The following SLC8A1 variants were observed in gnomAD, a reference collection of about 807,000 sequenced individuals.
SLC8A1 encodes sodium/calcium exchanger 1.
SLC8A1 carries 18 observed loss-of-function variants against 68.3 expected under a neutral mutation model. That is an observed-to-expected ratio of 0.26 (90% CI 0.18 to 0.39). SLC8A1 has a LOEUF of 0.39. Ranked by LOEUF, SLC8A1 falls within the 10% of genes least tolerant of loss-of-function variation. The pLI is 1.00. For synonymous variants in SLC8A1, 475 were observed against 415.5 expected (o/e 1.14, Z -1.74); for missense variants, 985 against 1,156.7 (o/e 0.85, Z 2.15).
chr2:40,465,069 T>C (rs1703582674), intron 1 of SLC8A1, among the ~76,000 whole-genome samples: 1 of 152,088 alleles, frequency 6.6e-6, no homozygotes, highest in African/African-American at 2.4e-5. Flanking sequence ...TCTTTGCAAA[T>C]CTCTAGAGAA....
chr2:40,175,632 T>C (rs1272003861), intron 3 of SLC8A1, among the ~76,000 whole-genome samples: 1 of 152,116 alleles, frequency 6.6e-6, no homozygotes, highest in Non-Finnish European at 1.5e-5. Context: ...GTGGAAACAT[T>C]GTATGAAATT....
rs1573245472 is a variant in SLC8A1, at chr2:40,153,368, C to G, written c.2161+7397G>C. Among the ~76,000 whole-genome samples, 3 of 152,198 alleles carry G rather than the reference C, an allele frequency of 2.0e-5. No homozygotes were observed. In the East Asian group the frequency reaches 5.8e-4, roughly 29 times the overall value. On this transcript the variant is annotated intron_variant, in intron 6 of 7. Transcript: ENST00000406785. ...CCCCATAACTAATTGGTGGCTGCAC[C>G]AGAATTCATTGAACTCAAGTATCTA...
chr2:40,442,499 A>G (rs1462343041), intron 1 of SLC8A1, among the ~76,000 whole-genome samples: 2 of 152,206 alleles, frequency 1.3e-5, no homozygotes, highest in Non-Finnish European at 2.9e-5. Flanking sequence ...AAACATATCA[A>G]GAAAAGCTCA....
Position 40,425,184 on chromosome 2 carries a change from A to G in SLC8A1, c.1808+3289T>C, listed in dbSNP as rs531093819. On this transcript the variant is annotated intron_variant, in intron 2 of 7. Transcript: ENST00000406785. ...TCTATTTAATGGGATTTTGCTTTGTAATTTTAAAATGTTTTGCTGAGAATA... is the reference window on the plus strand; with the variant it reads ...TCTATTTAATGGGATTTTGCTTTGTGATTTTAAAATGTTTTGCTGAGAATA... Among the ~76,000 whole-genome samples, 76 of 152,032 alleles carry G rather than the reference A, an allele frequency of 5.0e-4. 1 individual carries two copies. In the South Asian group the frequency reaches 0.013, roughly 26 times the overall value.
intron 2 of SLC8A1, among the ~76,000 whole-genome samples, chr2:40,424,357 A>T (rs188601410): frequency 6.6e-6 from 1 of 151,942 alleles, no homozygotes; most frequent in East Asian, 1.9e-4. Flanking sequence ...AATTCTATAG[A>T]ATTCTCTAGA....
chr2:40,397,630 A>G (rs1295718425), intron 2 of SLC8A1, among the ~76,000 whole-genome samples: 1 of 152,194 alleles, frequency 6.6e-6, no homozygotes, highest in Non-Finnish European at 1.5e-5. Context: ...GCTGCATATC[A>G]GAACCACATA....
At chr2:40,268,270 C>T (rs969673126) in intron 2 of SLC8A1, among the ~76,000 whole-genome samples, 6 of 152,012 alleles carry the variant, frequency 3.9e-5, no homozygotes, top group African/African-American at 1.4e-4. Context: ...CAGGTGATTC[C>T]TGGTCCCTAC....
At chr2:40,441,916 T>C (rs1700557206) in intron 1 of SLC8A1, among the ~76,000 whole-genome samples, 1 of 151,664 alleles carries the variant, frequency 6.6e-6, no homozygotes, top group South Asian at 2.1e-4. Context: ...AATTGACAAA[T>C]GGGATGTAAT....
At chr2:40,422,839 T>C (rs902245062) in intron 2 of SLC8A1, among the ~76,000 whole-genome samples, 23 of 152,318 alleles carry the variant, frequency 1.5e-4, no homozygotes, top group African/African-American at 5.3e-4. Context: ...ACCTTTTATT[T>C]CAAATAGAAA....
intron 2 of SLC8A1, among the ~76,000 whole-genome samples, chr2:40,224,973 A>G (rs567364604): frequency 6.6e-6 from 1 of 152,292 alleles, no homozygotes; most frequent in South Asian, 2.1e-4. Context: ...AGGCGAGAGT[A>G]AAGTTCATGT....
At chr2:40,242,914 G>A (rs1019288201) in intron 2 of SLC8A1, among the ~76,000 whole-genome samples, 2 of 152,134 alleles carry the variant, frequency 1.3e-5, no homozygotes, top group African/African-American at 4.8e-5. Context: ...TAAAAGCAAA[G>A]TTAATGAGGC....
chr2:40,427,890 G>A (rs1379810267), intron 2 of SLC8A1, among the ~76,000 whole-genome samples: 2 of 152,156 alleles, frequency 1.3e-5, no homozygotes, highest in Non-Finnish European at 2.9e-5. Flanking sequence ...TAACACTGAA[G>A]AAGCAGGATT....
chr2:40,381,597 T>C (rs1681817978), intron 2 of SLC8A1, among the ~76,000 whole-genome samples: 1 of 152,016 alleles, frequency 6.6e-6, no homozygotes, highest in South Asian at 2.1e-4. Flanking sequence ...ACTTCCTTCA[T>C]GATCTCTGAT....
intron 2 of SLC8A1, among the ~76,000 whole-genome samples, chr2:40,207,855 A>G (rs1160489294): frequency 6.6e-6 from 1 of 152,032 alleles, no homozygotes; most frequent in Non-Finnish European, 1.5e-5. Flanking sequence ...ACCAGTTTGG[A>G]ACCTGTTTTA....
At chr2:40,206,065 T>C (rs2055386289) in intron 2 of SLC8A1, among the ~76,000 whole-genome samples, 2 of 152,018 alleles carry the variant, frequency 1.3e-5, no homozygotes, top group South Asian at 4.1e-4. Flanking sequence ...GAAAACTAGG[T>C]TGTTTTCAGA....
intron 2 of SLC8A1, among the ~76,000 whole-genome samples, chr2:40,387,936 CAAAAAAAAA>C (rs57394425): frequency 1.1e-5 from 1 of 90,942 alleles, no homozygotes; most frequent in Admixed American, 1.2e-4. Flanking sequence ...GAGACTGCCT[CAAAAAAAAA>C]AAAAAAAAAA....
chr2:40,250,601 C>A (rs1290797113), intron 2 of SLC8A1: 1 of 152,062 alleles, frequency 6.6e-6, no homozygotes, highest in South Asian at 2.1e-4. Context: ...TCGAGTTATT[C>A]TTTTCAATAG....
exon 2 of SLC8A1, chr2:40,430,119 G>A: frequency 1.9e-6 from 3 of 1,613,746 alleles, no homozygotes; most frequent in Non-Finnish European, 2.5e-6. Context: ...CTTTCTTACA[G>A]TAATATGATC....
At chr2:40,489,514 A>G (rs956768759) in intron 1 of SLC8A1, among the ~76,000 whole-genome samples, 10 of 152,108 alleles carry the variant, frequency 6.6e-5, no homozygotes, top group Non-Finnish European at 8.8e-5. Flanking sequence ...TCTGACATTC[A>G]ATGTTACTCA....
Sources: gnomAD v4.1 joint callset for allele counts (sites outside exome capture counted in the v4.1 genomes callset) on GRCh38, gnomAD v4.1.1 for gene constraint, MANE v1.5 for transcripts, NCBI Gene and HGNC (gene_info 2026-07-23, HGNC 2026-07-21) for gene names.